ELOVL4: variants seen among roughly 807,000 people sequenced by gnomAD.
ELOVL4 encodes ELOVL fatty acid elongase 4.
ELOVL4 carries 18 observed loss-of-function variants against 42.1 expected under a neutral mutation model. That is an observed-to-expected ratio of 0.43 (90% CI 0.30 to 0.63). ELOVL4 has a LOEUF of 0.63. ELOVL4 is among the 30% of genes least tolerant of loss of function. The probability of loss-of-function intolerance (pLI) is 0.15; values close to 1 mark genes in which losing one functional copy is unlikely to be tolerated. For synonymous variants in ELOVL4, 117 were observed against 127.0 expected (o/e 0.92, Z 0.53); for missense variants, 299 against 376.2 (o/e 0.79, Z 1.70).
At chr6:79,946,967 C>T (rs1299901561) in intron 1 of ELOVL4, among the ~76,000 whole-genome samples, 2 of 152,208 alleles carry the variant, frequency 1.3e-5, no homozygotes, top group African/African-American at 2.4e-5. Context: ...CAGAAGAAAA[C>T]CCTGCGAGTG....
chr6:79,927,064 G>A (rs1264536454), intron 1 of ELOVL4, among the ~76,000 whole-genome samples: 1 of 152,042 alleles, frequency 6.6e-6, no homozygotes, highest in Non-Finnish European at 1.5e-5. Context: ...TTACATATGT[G>A]TAACTATATA....
chr6:79,937,783 T>A (rs751770007), intron 1 of ELOVL4, among the ~76,000 whole-genome samples: 12 of 152,246 alleles, frequency 7.9e-5, no homozygotes, highest in Non-Finnish European at 1.8e-4. Flanking sequence ...GCTTTGAGTC[T>A]ATTTCTTCAT....
chr6:79,945,698 C>T (rs534936432), intron 1 of ELOVL4, among the ~76,000 whole-genome samples: 35 of 152,058 alleles, frequency 2.3e-4, no homozygotes, highest in African/African-American at 7.7e-4. Context: ...AGCCCTGATG[C>T]AACGTTTAAA....
At chr6:79,921,126 C>T (rs1774244573) in intron 4 of ELOVL4, among the ~76,000 whole-genome samples, 2 of 151,942 alleles carry the variant, frequency 1.3e-5, no homozygotes, top group Non-Finnish European at 2.9e-5. Flanking sequence ...AAAGTAGTCA[C>T]AGATAAAAAG....
intron 1 of ELOVL4, among the ~76,000 whole-genome samples, chr6:79,942,197 T>C (rs746767204): frequency 3.9e-5 from 6 of 152,158 alleles, no homozygotes; most frequent in Non-Finnish European, 8.8e-5. Context: ...GCTGCAGGTC[T>C]TTGGGCAGGG....
At chr6:79,919,691 T>A in intron 4 of ELOVL4, 144 bp from the exon 5 acceptor site, 1 of 751,154 alleles carries the variant, frequency 1.3e-6, no homozygotes, top group Non-Finnish European at 2.1e-6. Flanking sequence ...AAAGTAGTAC[T>A]AATGAAAAAG....
intron 2 of ELOVL4, 100 bp from the exon 3 acceptor site, chr6:79,925,132 C>T: frequency 2.5e-6 from 2 of 787,250 alleles, no homozygotes; most frequent in Non-Finnish European, 4.2e-6. Context: ...ATTTTAAACA[C>T]AATATTTTCT....
intron 1 of ELOVL4, among the ~76,000 whole-genome samples, chr6:79,936,932 G>C (rs1774553902): frequency 6.6e-6 from 1 of 152,204 alleles, no homozygotes. Flanking sequence ...GAAAATTTCT[G>C]TTCTAACCCC....
chr6:79,919,530 A>G lies in ELOVL4; in HGVS notation c.559T>C (p.Leu187=). Residue 187 remains leucine (L), a synonymous_variant, in exon 5 of 6, where the codon TTG becomes CTG. Transcript: ENST00000369816. ...AGGQAFFGAQ[L]NSFIHVIMYS... is the part of the protein sequence containing the mutation. The stretch of plus-strand genomic sequence containing the variant: ...ATAATCACATGGATAAAGGAATTCA[A>G]CTGGGCTCCAAAAAATGCTTTAGAA... The G allele has an allele frequency of 6.2e-7, 1 of 1,613,604 alleles. No individual in the cohort carries two copies. The highest frequency in any genetic ancestry group is 8.5e-7 in the Non-Finnish European group (1 of 1,179,758).
intron 1 of ELOVL4, among the ~76,000 whole-genome samples, chr6:79,944,987 C>CAAAAAAAAA (rs200726708): frequency 9.7e-5 from 9 of 92,994 alleles, no homozygotes; most frequent in African/African-American, 2.4e-4. Flanking sequence ...TGAATGAGTC[C>CAAAAAAAAA]AAAAAAAAAA....
intron 4 of ELOVL4, among the ~76,000 whole-genome samples, chr6:79,920,692 C>A (rs1774238039): frequency 6.6e-6 from 1 of 152,050 alleles, no homozygotes; most frequent in African/African-American, 2.4e-5. Flanking sequence ...CATCAGAAAG[C>A]AAAGATGTCA....
At chr6:79,923,157 A>G (rs763703689) in intron 3 of ELOVL4, among the ~76,000 whole-genome samples, 2 of 152,194 alleles carry the variant, frequency 1.3e-5, no homozygotes, top group Admixed American at 6.5e-5. Flanking sequence ...ACTGCACTAG[A>G]TATCTTTAAA....
At chr6:79,938,803 G>A (rs963910324) in intron 1 of ELOVL4, among the ~76,000 whole-genome samples, 2 of 152,136 alleles carry the variant, frequency 1.3e-5, no homozygotes, top group African/African-American at 4.8e-5. Context: ...GTGATACTCT[G>A]TAGATAACAA....
At chr6:79,916,948 G>A (rs1337647831) in intron 5 of ELOVL4, 65 bp from the exon 6 acceptor site, 7 of 1,591,914 alleles carry the variant, frequency 4.4e-6, no homozygotes, top group East Asian at 2.3e-5. Context: ...TAACAACATC[G>A]GCATCTTCTA....
Position 79,916,533 on chromosome 6 carries a change from T to C in ELOVL4, c.*75A>G. On this transcript the variant is annotated 3_prime_UTR_variant, in exon 6 of 6. Coordinates refer to ENST00000369816, the MANE Select transcript of ELOVL4 (RefSeq NM_022726.4). ...TCCCCACCCCCAAGCTCTCCTTTGC[T>C]TCTGTTTTCCCTGAAATTTTATATG... 1 of 1,586,714 alleles carries C rather than the reference T, an allele frequency of 6.3e-7. No homozygotes were observed. The highest frequency in any genetic ancestry group is 1.3e-5 in the African/African-American group (1 of 74,434).
intron 2 of ELOVL4, among the ~76,000 whole-genome samples, chr6:79,925,850 C>G (rs1679416320): frequency 6.6e-6 from 1 of 152,066 alleles, no homozygotes. Flanking sequence ...GTGCCAAACA[C>G]TATGCAAAAA....
At chr6:79,928,034 G>A (rs758905107) in intron 1 of ELOVL4, among the ~76,000 whole-genome samples, 29 of 152,004 alleles carry the variant, frequency 1.9e-4, no homozygotes, top group Non-Finnish European at 1.5e-5. Context: ...ATCATTCTAT[G>A]ACCATATCTT....
intron 1 of ELOVL4, among the ~76,000 whole-genome samples, chr6:79,931,654 A>C (rs1419875055): frequency 6.6e-6 from 1 of 152,214 alleles, no homozygotes; most frequent in Non-Finnish European, 1.5e-5. Flanking sequence ...AGGATCATGA[A>C]TGCTTCAAAG....
chr6:79,939,507 AT>A (rs1454431630), intron 1 of ELOVL4, among the ~76,000 whole-genome samples: 2 of 133,738 alleles, frequency 1.5e-5, no homozygotes, highest in African/African-American at 5.7e-5. Flanking sequence ...TGACTACTTT[AT>A]TTATTTATTT....
Sources: gnomAD v4.1 joint callset for allele counts (sites outside exome capture counted in the v4.1 genomes callset) on GRCh38, gnomAD v4.1.1 for gene constraint, MANE v1.5 for transcripts, NCBI Gene and HGNC (gene_info 2026-07-23, HGNC 2026-07-21) for gene names.